The following LALBA variants were observed in gnomAD, a reference collection of about 807,000 sequenced individuals.
The protein encoded by LALBA is lactalbumin alpha, also known as alpha-lactalbumin.
Under a neutral mutation model 13.4 loss-of-function variants are expected in LALBA, and 12 were observed. That is an observed-to-expected ratio of 0.89 (90% confidence interval 0.57 to 1.45). LALBA has a LOEUF of 1.45. LALBA is among the 40% of genes most tolerant of loss of function. LALBA has a pLI of 0.00. For missense variants in LALBA, 145 were observed against 165.9 expected (o/e 0.87, Z 0.69); for synonymous variants, 64 against 61.0 (o/e 1.05, Z -0.23).
Position 48,569,846 on chromosome 12 carries a change from A to C in LALBA, c.133+42T>G, listed in dbSNP as rs200041143. ...GAAGAAAGAGGGGATGGAGGAGAGA[A>C]GCGTATGAGGAATGGATGAAACACA... is the stretch of plus-strand genomic sequence containing the variant. On this transcript the variant is annotated intron_variant, in intron 1 of 3. Transcript: ENST00000301046. 1.1e-5 allele frequency: 18 copies of C among 1,599,300 alleles called. No individual in the cohort carries two copies. In the Admixed American group the frequency reaches 2.4e-4, roughly 21 times the overall value.
upstream of LALBA, among the ~76,000 whole-genome samples, chr12:48,571,386 CTTT>C (rs60444004): frequency 3.5e-4 from 34 of 98,028 alleles, no homozygotes; most frequent in East Asian, 8.9e-3. Flanking sequence ...CTTCTTCTTC[CTTT>C]TTTTTTTTTT....
At chr12:48,569,846 A>G in intron 1 of LALBA, 42 bp downstream of exon 1, 1 of 1,599,300 alleles carries the variant, frequency 6.3e-7, no homozygotes, top group Non-Finnish European at 8.6e-7. Flanking sequence ...GGAGGAGAGA[A>G]GCGTATGAGG....
rs768589877 is a variant in LALBA at position 48,569,063 on chromosome 12, G to A, written c.292+19C>T. The A allele has an allele frequency of 1.3e-6, 2 of 1,593,092 alleles. No homozygotes were observed. Among genetic ancestry groups the A allele is most frequent in the African/African-American group, 1.4e-5 (1 of 73,684 alleles). On this transcript the variant is annotated intron_variant, in intron 2 of 3. Coordinates refer to ENST00000301046, the MANE Select transcript of LALBA (RefSeq NM_002289.3). ...AGGCCTCAGAAAAACAGAGAAAGAGGGTTATAGGGGCTACTCACTGTCACA... is the reference window on the plus strand; with the variant it reads ...AGGCCTCAGAAAAACAGAGAAAGAGAGTTATAGGGGCTACTCACTGTCACA...
In LALBA at chr12:48,569,243, G is replaced by A. The variant is rs1378606644; in HGVS notation, c.134-3C>T. On this transcript the variant is annotated splice_region_variant and splice_polypyrimidine_tract_variant and intron_variant, in intron 1 of 3. Coordinates refer to ENST00000301046, the MANE Select transcript of LALBA (RefSeq NM_002289.3). ...GGTGTGAAACATGGTACAGATCACT[G>A]AGGGAAAGATGAGAAAGAGATACCA... The A allele has an allele frequency of 6.2e-7, 1 of 1,609,288 alleles. No individual in the cohort carries two copies. Among genetic ancestry groups the A allele is most frequent in the South Asian group, 1.1e-5 (1 of 90,478 alleles).
At chr12:48,568,641 C>T in intron 2 of LALBA, 49 bp from the exon 3 acceptor site, 1 of 1,132,764 alleles carries the variant, frequency 8.8e-7, no homozygotes, top group Non-Finnish European at 1.3e-6. Context: ...AAGTATTACC[C>T]AGAAAGGCAC....
upstream of LALBA, among the ~76,000 whole-genome samples, chr12:48,571,463 C>A (rs1938632568): frequency 6.9e-6 from 1 of 145,724 alleles, no homozygotes; most frequent in Admixed American, 7.1e-5. Context: ...TGGCTCACTG[C>A]AACCTCTGCC....
chr12:48,568,671 G>A, intron 2 of LALBA, 79 bp from the exon 3 acceptor site: 1 of 808,888 alleles, frequency 1.2e-6, no homozygotes, highest in East Asian at 2.5e-5. Flanking sequence ...CTAACCCCTG[G>A]ATCCAGTGGG....
Position 48,569,071 on chromosome 12 carries a change from G to T in LALBA, c.292+11C>A, listed in dbSNP as rs1279554582. ...GAAAAACAGAGAAAGAGGGTTATAG[G>T]GGCTACTCACTGTCACAGGAGATGT... On this transcript the variant is annotated intron_variant, in intron 2 of 3. Transcript: ENST00000301046. The T allele has an allele frequency of 6.2e-7, 1 of 1,604,330 alleles. No individual in the cohort carries two copies. Among genetic ancestry groups the T allele is most frequent in the East Asian group, 2.2e-5 (1 of 44,648 alleles).
chr12:48,569,286 T>C, intron 1 of LALBA, 46 bp from the exon 2 acceptor site: 1 of 1,496,378 alleles, frequency 6.7e-7, no homozygotes, highest in Non-Finnish European at 9.1e-7. Flanking sequence ...GTACAGGATC[T>C]GCATAAAGGA....
chr12:48,571,341 G>A (rs960110425), upstream of LALBA, among the ~76,000 whole-genome samples: 15 of 143,992 alleles, frequency 1.0e-4, no homozygotes, highest in South Asian at 4.4e-4. Flanking sequence ...GCCACCATTC[G>A]TCTTCTTTGT....
At chr12:48,569,266 C>A in intron 1 of LALBA, 26 bp from the exon 2 acceptor site, 1 of 1,586,348 alleles carries the variant, frequency 6.3e-7, no homozygotes, top group Non-Finnish European at 8.6e-7. Context: ...GAAAGAGATA[C>A]CACAGAGATG....
At chr12:48,570,672 T>C (rs559648333), upstream of LALBA, among the ~76,000 whole-genome samples, 5 of 152,160 alleles carry the variant, frequency 3.3e-5, no homozygotes, top group African/African-American at 1.2e-4. Context: ...GGAAAATGCA[T>C]AATTGAAAAG....
At chr12:48,569,326 T>C (rs1592225359) in intron 1 of LALBA, 86 bp from the exon 2 acceptor site, 49 of 1,157,412 alleles carry the variant, frequency 4.2e-5, no homozygotes, top group African/African-American at 1.6e-5. Flanking sequence ...AAAAATGCTT[T>C]CCAGCCAATC....
upstream of LALBA, among the ~76,000 whole-genome samples, chr12:48,570,900 A>G (rs1408298334): frequency 2.0e-5 from 3 of 150,976 alleles, no homozygotes; most frequent in African/African-American, 7.3e-5. Flanking sequence ...ACACTTGAGC[A>G]CAGGAGGTCG....
intron 1 of LALBA, among the ~76,000 whole-genome samples, chr12:48,569,550 C>CA (rs1195159399): frequency 6.6e-6 from 1 of 151,968 alleles, no homozygotes; most frequent in Non-Finnish European, 1.5e-5. Context: ...CCTGTCTCTA[C>CA]AAAAAATACA....
upstream of LALBA, chr12:48,570,173 G>C (rs765242444): frequency 6.7e-6 from 5 of 750,056 alleles, no homozygotes; most frequent in Non-Finnish European, 1.1e-5. Context: ...CGCTGAGCCT[G>C]CCAGCTTCCT....
At chr12:48,568,103 A>G (rs993757030) in intron 3 of LALBA, 86 bp from the exon 4 acceptor site, 2 of 1,024,200 alleles carry the variant, frequency 2.0e-6, no homozygotes, top group African/African-American at 1.6e-5. Context: ...AAGAGCGTGG[A>G]CGAGAATTAC....
chr12:48,569,130 T>C lies in LALBA; in HGVS notation c.244A>G (p.Ser82Gly). ...TTCCTTGACTGAGGGACCTGGCTGC[T>C]CTTGCACCAAAGCTTATTACTGATC... is the stretch of plus-strand genomic sequence containing the variant. Reference protein sequence around the residue: ...FQISNKLWCKSSQVPQSRNIC... With the variant: ...FQISNKLWCKGSQVPQSRNIC... Residue 82 changes from serine (S) to glycine (G), a missense_variant, in exon 2 of 4, where the codon AGC (serine) becomes GGC (glycine). By Grantham distance (56) the Ser-to-Gly change is moderately conservative. Transcript: ENST00000301046. The C allele has an allele frequency of 6.2e-7, 1 of 1,613,754 alleles. No homozygotes were observed.
upstream of LALBA, among the ~76,000 whole-genome samples, chr12:48,570,238 G>A (rs1279627869): frequency 6.6e-6 from 1 of 152,072 alleles, no homozygotes; most frequent in Non-Finnish European, 1.5e-5. Flanking sequence ...TCCATAGCAG[G>A]TATTGTTCTC....
Sources: allele counts gnomAD v4.1 joint callset (sites outside exome capture counted in the v4.1 genomes callset), GRCh38; gene constraint gnomAD v4.1.1; transcripts MANE v1.5; gene names NCBI Gene and HGNC (gene_info 2026-07-23, HGNC 2026-07-21).